The following SPAG16 variants were observed in gnomAD, a reference collection of about 807,000 sequenced individuals.
SPAG16 encodes sperm associated antigen 16, also known as sperm-associated antigen 16 protein.
A neutral mutation model predicts 80.4 loss-of-function variants in SPAG16; 86 were observed. The observed-to-expected ratio is 1.07, with a 90% CI of 0.90 to 1.28. SPAG16 has a LOEUF of 1.28. Ranked by LOEUF, SPAG16 falls within the 50% of genes most tolerant of loss-of-function variation. The probability of loss-of-function intolerance (pLI) is 0.00; values close to 1 mark genes in which losing one functional copy is unlikely to be tolerated. For synonymous variants in SPAG16, 294 were observed against 265.9 expected, an observed-to-expected ratio of 1.11 and a Z score of -1.03; for missense variants, 870 against 765.3, an observed-to-expected ratio of 1.14 and a Z score of -1.61.
At chr2:213,363,746 G>A (rs1197637392) in intron 7 of SPAG16, among the ~76,000 whole-genome samples, 1 of 151,960 alleles carries the variant, frequency 6.6e-6, no homozygotes, top group African/African-American at 2.4e-5. Context: ...GAAACAATTT[G>A]AACAGAGGAA....
At chr2:213,919,978 G>T (rs559887014) in intron 11 of SPAG16, among the ~76,000 whole-genome samples, 2 of 152,268 alleles carry the variant, frequency 1.3e-5, no homozygotes, top group African/African-American at 4.8e-5. Context: ...CTTCTGTGTT[G>T]AATGCATATA....
chr2:213,939,427 G>T (rs755509298), intron 12 of SPAG16, among the ~76,000 whole-genome samples: 1 of 152,162 alleles, frequency 6.6e-6, no homozygotes, highest in Non-Finnish European at 1.5e-5. Context: ...TGACAAGGGG[G>T]TATCACTGAG....
chr2:214,279,065 C>G (rs1166778377), intron 15 of SPAG16, among the ~76,000 whole-genome samples: 1 of 150,588 alleles, frequency 6.6e-6, no homozygotes, highest in Non-Finnish European at 1.5e-5. Flanking sequence ...GAAACAATAA[C>G]AAGCAACAAC....
chr2:214,285,590 C>A (rs1469471929), intron 15 of SPAG16, among the ~76,000 whole-genome samples: 2 of 152,058 alleles, frequency 1.3e-5, no homozygotes, highest in Non-Finnish European at 2.9e-5. Flanking sequence ...GGGCAAATCA[C>A]AAGGAGTTCG....
intron 13 of SPAG16, among the ~76,000 whole-genome samples, chr2:214,064,585 T>C (rs2050442512): frequency 6.6e-6 from 1 of 152,120 alleles, no homozygotes; most frequent in South Asian, 2.1e-4. Context: ...TATAAACTGT[T>C]CCTCAGTTCA....
chr2:213,639,992 G>A (rs2062524851), intron 10 of SPAG16, among the ~76,000 whole-genome samples: 1 of 151,956 alleles, frequency 6.6e-6, no homozygotes, highest in Non-Finnish European at 1.5e-5. Context: ...TTGTCTTTGA[G>A]CTCTGAAGGT....
chr2:213,712,516 A>G lies in SPAG16; in HGVS notation c.1071-149969A>G, dbSNP rs1320062023. On this transcript the variant is annotated intron_variant, in intron 10 of 15. Coordinates refer to ENST00000331683, the MANE Select transcript of SPAG16 (RefSeq NM_024532.5). ...AGCCAGACTTGTAAAAGATGACAAG[A>G]GAAATTATTCTGGCAGTATCACACC... Among the ~76,000 whole-genome samples, 4 of 152,192 alleles carry G rather than the reference A, an allele frequency of 2.6e-5. No homozygotes were observed. In the East Asian group the frequency reaches 7.7e-4, roughly 29 times the overall value.
chr2:213,717,624 G>C (rs964155422), intron 10 of SPAG16, among the ~76,000 whole-genome samples: 7 of 151,878 alleles, frequency 4.6e-5, no homozygotes, highest in Admixed American at 2.0e-4. Context: ...AGATAAACAG[G>C]AAGAAAGGAA....
intron 9 of SPAG16, among the ~76,000 whole-genome samples, chr2:213,475,012 G>A (rs1460950067): frequency 6.6e-6 from 1 of 152,134 alleles, no homozygotes; most frequent in African/African-American, 2.4e-5. Flanking sequence ...TGGTACTGCT[G>A]TTTTTCCAAT....
intron 15 of SPAG16, among the ~76,000 whole-genome samples, chr2:214,173,995 T>C (rs1277995708): frequency 6.6e-6 from 1 of 152,026 alleles, no homozygotes; most frequent in African/African-American, 2.4e-5. Context: ...TCTCAATAGA[T>C]GCAGAAAAGG....
At chr2:213,559,768 A>G (rs77577203) in intron 10 of SPAG16, among the ~76,000 whole-genome samples, 1,982 of 152,224 alleles carry the variant, frequency 0.013, 26 homozygotes, top group Non-Finnish European at 0.02. Context: ...TCTAGTTAAA[A>G]ATATATAAAT....
At chr2:213,981,633 A>T (rs1260716728) in intron 12 of SPAG16, among the ~76,000 whole-genome samples, 1 of 152,070 alleles carries the variant, frequency 6.6e-6, no homozygotes, top group Non-Finnish European at 1.5e-5. Flanking sequence ...GGTGGACTTG[A>T]GTTTGTTTTC....
chr2:213,457,000 A>AG (rs1482100630), intron 9 of SPAG16, among the ~76,000 whole-genome samples: 2 of 150,546 alleles, frequency 1.3e-5, no homozygotes, highest in African/African-American at 4.9e-5. Context: ...TTTTTTTTAA[A>AG]TGTTGTGTAG....
At chr2:214,226,951 A>C (rs190438492) in intron 15 of SPAG16, among the ~76,000 whole-genome samples, 3 of 152,164 alleles carry the variant, frequency 2.0e-5, no homozygotes, top group Non-Finnish European at 2.9e-5. Flanking sequence ...TTGGATTGCC[A>C]AGTATGAATC....
chr2:213,857,307 G>A (rs2075219267), intron 10 of SPAG16, among the ~76,000 whole-genome samples: 1 of 152,168 alleles, frequency 6.6e-6, no homozygotes, highest in South Asian at 2.1e-4. Context: ...GAGAGGTAAA[G>A]TCAATGCTTG....
chr2:214,110,903 A>G (rs924073137), intron 14 of SPAG16, among the ~76,000 whole-genome samples: 2 of 151,846 alleles, frequency 1.3e-5, no homozygotes, highest in African/African-American at 4.8e-5. Context: ...GTATTTTTTC[A>G]TGTGTCTGTT....
At chr2:213,302,661 T>G (rs1225862799) in intron 3 of SPAG16, 1 of 96,530 alleles carries the variant, frequency 1.0e-5, no homozygotes, top group Admixed American at 9.6e-5. Context: ...GTGTGTGTGT[T>G]GTGTATAAAT....
intron 15 of SPAG16, among the ~76,000 whole-genome samples, chr2:214,232,026 TTAAC>T (rs377025914): frequency 1.6e-3 from 243 of 152,032 alleles, no homozygotes; most frequent in African/African-American, 5.2e-3. Context: ...TTTTAAAAGT[TTAAC>T]TAATATATTT....
rs1024475678 is a variant in SPAG16, at chr2:213,838,464, C to T, written c.1071-24021C>T. Among the ~76,000 whole-genome samples the T allele has an allele frequency of 1.5e-4, 23 of 152,290 alleles. 1 individual carries two copies. Among genetic ancestry groups the T allele is most frequent in the African/African-American group, 4.6e-4 (19 of 41,572 alleles). On this transcript the variant is annotated intron_variant, in intron 10 of 15. Coordinates refer to ENST00000331683, the MANE Select transcript of SPAG16 (RefSeq NM_024532.5). ...CTGGGATTACAGGCGTGAGCCACTG[C>T]GCTGGGCCATCTCTGACTTTATATG...
Sources: allele counts gnomAD v4.1 joint callset (sites outside exome capture counted in the v4.1 genomes callset), GRCh38; gene constraint gnomAD v4.1.1; transcripts MANE v1.5; gene names NCBI Gene and HGNC (gene_info 2026-07-23, HGNC 2026-07-21).